Variants in ZNF251 observed in about 807,000 individuals in gnomAD.
ZNF251 encodes the protein zinc finger protein 251.
A neutral mutation model predicts 13.5 loss-of-function variants in ZNF251; 14 were observed. The observed-to-expected ratio is 1.04, with a 90% CI of 0.69 to 1.63. The LOEUF is 1.63. Among genes scored for constraint, ZNF251 ranks in the 40% most tolerant of loss-of-function variants. The probability of loss-of-function intolerance (pLI) is 0.00; values close to 1 mark genes in which losing one functional copy is unlikely to be tolerated. For missense variants in ZNF251, 764 were observed against 834.9 expected (o/e 0.92, Z 1.05); for synonymous variants, 287 against 295.2 (o/e 0.97, Z 0.28).
At position 144,721,879 on chromosome 8, in the gene ZNF251, T is replaced by C. The variant is rs1823380764; in HGVS notation, c.1781A>G (p.Tyr594Cys). ...GGCGTTTCCACATTCTTGACATTTA[T>C]AGGGCTTTTCCCCAGCATGCATTAT... ...DQIMHAGEKP[Y>C]KCQECGNAFS... Residue 594 changes from tyrosine to cysteine, a missense_variant, in exon 5 of 5, where the codon TAT (tyrosine) becomes TGT (cysteine). Transcript: ENST00000292562. 6.6e-7 allele frequency: 1 copy of C among 1,503,862 alleles called. No homozygotes were observed. The highest frequency in any genetic ancestry group is 8.9e-7 in the Non-Finnish European group (1 of 1,125,928). The allele number at this position is 1,503,862 out of a possible 1,614,324, so 93.2% of individuals were successfully genotyped here.
At chr8:144,726,239 T>C (rs1823514504) in intron 4 of ZNF251, among the ~76,000 whole-genome samples, 1 of 134,678 alleles carries the variant, frequency 7.4e-6, no homozygotes, top group African/African-American at 2.8e-5. Flanking sequence ...GTTAGTATAG[T>C]ATTAGAAAAT....
chr8:144,750,861 T>C (rs1586709131), intron 4 of ZNF251, among the ~76,000 whole-genome samples: 2 of 147,608 alleles, frequency 1.4e-5, no homozygotes, highest in Non-Finnish European at 1.5e-5. Context: ...TTTTTTTTCT[T>C]TTTTTTTTTT....
chr8:144,738,480 G>T (rs1347421585), intron 4 of ZNF251: 3 of 904,234 alleles, frequency 3.3e-6, no homozygotes, highest in Non-Finnish European at 4.0e-6. Context: ...GGCAACTGCG[G>T]GACCAGGCTG....
At chr8:144,738,660 G>A in intron 4 of ZNF251, 1 of 985,466 alleles carries the variant, frequency 1.0e-6, no homozygotes, top group Non-Finnish European at 1.2e-6. Flanking sequence ...AGTCAGGCAA[G>A]TGGAAACAGC....
At chr8:144,749,979 T>C (rs887988557) in intron 4 of ZNF251, among the ~76,000 whole-genome samples, 3 of 151,564 alleles carry the variant, frequency 2.0e-5, no homozygotes, top group African/African-American at 7.3e-5. Flanking sequence ...CTATGAGGAG[T>C]TGCAAATACA....
In ZNF251 at chr8:144,728,071, G is replaced by A. The variant is rs2727247; in HGVS notation, c.278-4689C>T. 0.031 allele frequency among the ~76,000 whole-genome samples: 4,677 copies of A among 152,218 alleles called. 471 individuals are homozygous for A. In the East Asian group the frequency reaches 0.37, roughly 12 times the overall value. On this transcript the variant is annotated intron_variant, in intron 4 of 4. Transcript: ENST00000292562. ...TCACCGCACCTTCCTTACTAAACTT[G>A]GTCATTTCTAACATTTGCAATAAAG...
At chr8:144,748,121 T>C (rs1002859289) in intron 4 of ZNF251, among the ~76,000 whole-genome samples, 15 of 152,052 alleles carry the variant, frequency 9.9e-5, no homozygotes, top group Non-Finnish European at 1.9e-4. Context: ...TCGCCCAGGC[T>C]GCAGTGCAAT....
At chr8:144,732,671 G>A (rs1823744364) in intron 4 of ZNF251, among the ~76,000 whole-genome samples, 2 of 152,060 alleles carry the variant, frequency 1.3e-5, no homozygotes, top group African/African-American at 2.4e-5. Flanking sequence ...AATTAGCTGG[G>A]TGTGGTGGCA....
chr8:144,745,420 A>T (rs1192270743), intron 4 of ZNF251, among the ~76,000 whole-genome samples: 1 of 152,142 alleles, frequency 6.6e-6, no homozygotes, highest in Non-Finnish European at 1.5e-5. Flanking sequence ...AAAAGTACTG[A>T]AATTGGGTAC....
intron 4 of ZNF251, among the ~76,000 whole-genome samples, chr8:144,733,982 G>A (rs772608837): frequency 5.3e-5 from 8 of 152,246 alleles, no homozygotes; most frequent in East Asian, 1.9e-4. Context: ...CAGAGATGCC[G>A]CTAGGTCTGT....
chr8:144,721,989 C>G lies in ZNF251; in HGVS notation c.1671G>C (p.Trp557Cys). 1 of 1,577,930 alleles carries G rather than the reference C, an allele frequency of 6.3e-7. No homozygotes were observed. The highest frequency in any genetic ancestry group is 8.6e-7 in the Non-Finnish European group (1 of 1,162,126). ...FNHGANLILR[W>C]TVHTGEKSFG... Reference sequence around the variant, plus strand: ...AGGATTTCTCACCAGTGTGAACTGTCCAGCGCAGAATGAGATTTGCACCAT... The same window carrying G: ...AGGATTTCTCACCAGTGTGAACTGTGCAGCGCAGAATGAGATTTGCACCAT... Residue 557 changes from tryptophan (W) to cysteine (C), a missense_variant, in exon 5 of 5, where the codon TGG becomes TGC. Transcript: ENST00000292562.
chr8:144,744,162 A>G (rs890524458), intron 4 of ZNF251, among the ~76,000 whole-genome samples: 2 of 151,782 alleles, frequency 1.3e-5, no homozygotes, highest in Non-Finnish European at 2.9e-5. Flanking sequence ...TACAGGTGCC[A>G]CCACACACCC....
At chr8:144,731,707 C>T (rs1823699460) in intron 4 of ZNF251, among the ~76,000 whole-genome samples, 1 of 152,128 alleles carries the variant, frequency 6.6e-6, no homozygotes, top group Non-Finnish European at 1.5e-5. Context: ...CTGCCTCAGC[C>T]TCCTGAGGAG....
rs1366315149 is a variant in ZNF251, at chr8:144,734,466, T to C, written c.278-11084A>G. On this transcript the variant is annotated intron_variant, in intron 4 of 4. Transcript: ENST00000292562. The surrounding 1 kb of genome is among the most constrained non-coding windows in gnomAD (Gnocchi z 4.4). ...GACGCTGGAGGCCTCCACCTGGCTC[T>C]GAGATGAGTGTAAGGCTCACAGCAA... Among the ~76,000 whole-genome samples, 2 of 152,200 alleles carry C rather than the reference T, an allele frequency of 1.3e-5. No individual in the cohort carries two copies. The highest frequency in any genetic ancestry group is 4.8e-5 in the African/African-American group (2 of 41,460).
rs2129950078 is a variant in ZNF251, at chr8:144,730,136, G to A, written c.278-6754C>T. 3.0e-6 allele frequency: 3 copies of A among 985,016 alleles called. No homozygotes were observed. The South Asian group carries it at 1.4e-4, about 46-fold the overall frequency. The allele number at this position is 985,016 out of a possible 1,614,324, so 61.0% of individuals were successfully genotyped here. On this transcript the variant is annotated intron_variant, in intron 4 of 4. Coordinates refer to ENST00000292562, the MANE Select transcript of ZNF251 (RefSeq NM_138367.2). ...CTGAAAAGTGCCAAAAGAGAACTCA[G>A]GAACCAAACAGGGAAGTGGAGAGCC...
intron 1 of ZNF251, chr8:144,755,063 G>A: frequency 7.6e-7 from 1 of 1,321,904 alleles, no homozygotes; most frequent in East Asian, 3.4e-5. Context: ...GAAGGCCCTG[G>A]AAATGGGGTG....
intron 4 of ZNF251, among the ~76,000 whole-genome samples, chr8:144,736,783 T>G (rs1234039045): frequency 6.9e-6 from 1 of 145,164 alleles, no homozygotes; most frequent in African/African-American, 2.6e-5. Context: ...TGAGCCACCG[T>G]GCCCGGCCTA....
chr8:144,731,960 TAA>T (rs1823709892), intron 4 of ZNF251, among the ~76,000 whole-genome samples: 2 of 151,592 alleles, frequency 1.3e-5, no homozygotes, highest in African/African-American at 4.9e-5. Flanking sequence ...TTTTTTTTTT[TAA>T]GACAGAGTCT....
intron 1 of ZNF251, 185 bp from the exon 2 acceptor site, chr8:144,754,988 CG>C: frequency 2.1e-6 from 3 of 1,395,882 alleles, no homozygotes; most frequent in Non-Finnish European, 1.8e-6. Flanking sequence ...AGCCAGAGCC[CG>C]GGGGGATCCA....
Sources: gnomAD v4.1 joint callset for allele counts (sites outside exome capture counted in the v4.1 genomes callset) on GRCh38, gnomAD v4.1.1 for gene constraint, Gnocchi (gnomAD v3.1) non-coding constraint, MANE v1.5 for transcripts, NCBI Gene and HGNC (gene_info 2026-07-23, HGNC 2026-07-21) for gene names.